The following MYH11 variants were observed in gnomAD, a reference collection of about 807,000 sequenced individuals.
MYH11 encodes myosin-11.
In MYH11, 80 loss-of-function variants were observed where a neutral mutation model predicts 246.6. The observed-to-expected ratio is 0.32, with a 90% CI of 0.27 to 0.39. MYH11 has a LOEUF of 0.39. Ranked by LOEUF, MYH11 falls within the 10% of genes least tolerant of loss-of-function variation. MYH11 has a pLI of 1.00. For missense variants in MYH11, 2,158 were observed against 2,546.8 expected, an observed-to-expected ratio of 0.85 and a Z score of 3.29; for synonymous variants, 1,071 against 1,015.5, an observed-to-expected ratio of 1.05 and a Z score of -1.04.
Position 15,703,227 on chromosome 16 carries a change from C to T in MYH11, c.*764G>A, listed in dbSNP as rs886051728. The T allele has an allele frequency of 1.9e-5, 4 of 211,984 alleles. No homozygotes were observed. Among genetic ancestry groups the T allele is most frequent in the East Asian group, 7.0e-5 (1 of 14,238 alleles). 13.1% of individuals were successfully genotyped at this position (211,984 alleles called of 1,614,324 possible). On this transcript the variant is annotated 3_prime_UTR_variant, in exon 41 of 41. Coordinates refer to ENST00000300036, the MANE Select transcript of MYH11 (RefSeq NM_002474.3). The stretch of plus-strand genomic sequence containing the variant: ...TTCCTGCTCCCCTCCGTGGGAGCAG[C>T]GTCTCCTTTTCAATTCATGTGACTA...
At chr16:15,704,336 A>C (rs2039337892) in intron 40 of MYH11, among the ~76,000 whole-genome samples, 1 of 152,180 alleles carries the variant, frequency 6.6e-6, no homozygotes. Context: ...ATTGAATTTA[A>C]TCAGCTGAAA....
At position 15,703,828 on chromosome 16, in the gene MYH11, G is replaced by T; in HGVS notation, c.*163C>A. On this transcript the variant is annotated 3_prime_UTR_variant, in exon 41 of 41. Transcript: ENST00000300036. Reference sequence around the variant, plus strand: ...GAGGGTGGTGGTTTTTATATTCCTTGTGTGAGGGGTGTCTGTGATATTTGG... The same window carrying T: ...GAGGGTGGTGGTTTTTATATTCCTTTTGTGAGGGGTGTCTGTGATATTTGG... The T allele has an allele frequency of 3.2e-6, 3 of 933,634 alleles. No individual in the cohort carries two copies. Among genetic ancestry groups the T allele is most frequent in the African/African-American group, 1.6e-5 (1 of 61,478 alleles). The allele number at this position is 933,634 out of a possible 1,614,324, so 57.8% of individuals were successfully genotyped here.
intron 22 of MYH11, 30 bp downstream of exon 22, chr16:15,741,433 C>T: frequency 6.2e-7 from 1 of 1,602,180 alleles, no homozygotes; most frequent in African/African-American, 1.3e-5. Context: ...GATTTGCTAC[C>T]CACCACGGGC....
chr16:15,778,961 T>C (rs2042286550), intron 6 of MYH11, 118 bp from the exon 7 acceptor site: 1 of 986,138 alleles, frequency 1.0e-6, no homozygotes, highest in Non-Finnish European at 1.6e-6. Context: ...GGGAGATTCT[T>C]GCGAACACTC....
At position 15,838,399 on chromosome 16, in the gene MYH11, T is replaced by A. The variant is rs374007739; in HGVS notation, c.-17-130A>T. On this transcript the variant is annotated intron_variant, in intron 1 of 40. Coordinates refer to ENST00000300036, the MANE Select transcript of MYH11 (RefSeq NM_002474.3). ...CCACCAAGTACAAAGACCTGCAGTA[T>A]TGTGTATGTGGTCAAAGAACAGAGA... 4 of 742,818 alleles carry A rather than the reference T, an allele frequency of 5.4e-6. No homozygotes were observed. In the African/African-American group the frequency reaches 6.9e-5, roughly 13 times the overall value. The allele number at this position is 742,818 out of a possible 1,614,324, so 46.0% of individuals were successfully genotyped here. A position where few individuals can be genotyped will look rare whatever the true frequency, so the allele number is the denominator to read the frequency against.
intron 1 of MYH11, among the ~76,000 whole-genome samples, chr16:15,856,331 A>AT (rs977726723): frequency 4.3e-5 from 5 of 117,530 alleles, no homozygotes; most frequent in African/African-American, 5.8e-5. Context: ...CCCTAAACTG[A>AT]TTAAAAAAAA....
intron 7 of MYH11, among the ~76,000 whole-genome samples, chr16:15,777,104 T>TACAC (rs111888764): frequency 2.0e-3 from 302 of 147,954 alleles, no homozygotes; most frequent in African/African-American, 4.7e-3. Flanking sequence ...CACGCACACA[T>TACAC]ACACACACAC....
At chr16:15,831,467 G>GTGTGTGTA (rs1031748723) in intron 2 of MYH11, among the ~76,000 whole-genome samples, 2 of 147,736 alleles carry the variant, frequency 1.4e-5, no homozygotes, top group African/African-American at 5.0e-5. Flanking sequence ...TGTTTGGGGT[G>GTGTGTGTA]TGTGTGTGTG....
chr16:15,798,625 A>C (rs932824082), intron 4 of MYH11, 35 bp downstream of exon 4: 2 of 1,420,314 alleles, frequency 1.4e-6, no homozygotes. Flanking sequence ...AAAAAAAAAC[A>C]AAAAAAAAAC....
chr16:15,729,530 G>T (rs1883807550), intron 27 of MYH11, among the ~76,000 whole-genome samples: 1 of 149,694 alleles, frequency 6.7e-6, no homozygotes, highest in African/African-American at 2.5e-5. Flanking sequence ...TCTGTCTGGG[G>T]CCTCACTCTT....
In MYH11 at chr16:15,714,562, T is replaced by G. The variant is rs969540055; in HGVS notation, c.5786+347A>C. 10 of 419,570 alleles carry G rather than the reference T, an allele frequency of 2.4e-5. No individual in the cohort carries two copies. In the Admixed American group the frequency reaches 2.6e-4, roughly 11 times the overall value. 26.0% of individuals were successfully genotyped at this position (419,570 alleles called of 1,614,324 possible). On this transcript the variant is annotated intron_variant, in intron 40 of 40. Coordinates refer to ENST00000300036, the MANE Select transcript of MYH11 (RefSeq NM_002474.3). Reference sequence around the variant, plus strand: ...GGAGGTGAAGTGGCGGGGGGTGGTGTTGCAGCTTCAATGGATGTCGTGAAG... The same window carrying G: ...GGAGGTGAAGTGGCGGGGGGTGGTGGTGCAGCTTCAATGGATGTCGTGAAG...
At chr16:15,712,654 G>T (rs1303506435) in intron 40 of MYH11, among the ~76,000 whole-genome samples, 1 of 152,078 alleles carries the variant, frequency 6.6e-6, no homozygotes, top group Non-Finnish European at 1.5e-5. Context: ...TCGAGGTGAG[G>T]GATCAGCAGA....
At chr16:15,767,990 C>T (rs1439232642) in intron 9 of MYH11, among the ~76,000 whole-genome samples, 2 of 151,562 alleles carry the variant, frequency 1.3e-5, no homozygotes, top group African/African-American at 4.9e-5. Flanking sequence ...GTTGCTCAGG[C>T]TGGTCTTGAA....
At chr16:15,792,439 A>G (rs2042632681) in intron 4 of MYH11, 1 of 152,210 alleles carries the variant, frequency 6.6e-6, no homozygotes, top group African/African-American at 2.4e-5. Flanking sequence ...TACAATATAA[A>G]TAATATTCAC....
Position 15,745,118 on chromosome 16 carries a change from A to G in MYH11, c.2520+11T>C, listed in dbSNP as rs2041381184. ...GGGCCCCTGGGAAGGGGGCTGGGGC[A>G]GAGCACTCACTTTGGTGAAAAGCCT... On this transcript the variant is annotated intron_variant, in intron 20 of 40. Coordinates refer to ENST00000300036, the MANE Select transcript of MYH11 (RefSeq NM_002474.3). The G allele has an allele frequency of 1.2e-6, 2 of 1,610,510 alleles. No homozygotes were observed. Among genetic ancestry groups the G allele is most frequent in the African/African-American group, 2.7e-5 (2 of 74,904 alleles).
At chr16:15,838,381 G>A (rs1218584643) in intron 1 of MYH11, 112 bp from the exon 2 acceptor site, 12 of 824,130 alleles carry the variant, frequency 1.5e-5, no homozygotes, top group Non-Finnish European at 2.2e-5. Flanking sequence ...ATCCCACCAA[G>A]TACAAAGACC....
intron 8 of MYH11, among the ~76,000 whole-genome samples, chr16:15,773,484 T>A (rs1040860167): frequency 6.6e-6 from 1 of 151,822 alleles, no homozygotes; most frequent in Non-Finnish European, 1.5e-5. Context: ...CGGGGTTTCA[T>A]CATGTTGGCT....
chr16:15,820,258 C>T (rs952974625), intron 3 of MYH11, among the ~76,000 whole-genome samples: 1 of 152,134 alleles, frequency 6.6e-6, no homozygotes, highest in Non-Finnish European at 1.5e-5. Context: ...GGGCAGATCA[C>T]AATGTCAGGA....
chr16:15,720,719 C>T (rs2040422313), intron 33 of MYH11, 120 bp downstream of exon 33: 5 of 1,117,132 alleles, frequency 4.5e-6, no homozygotes, highest in East Asian at 2.5e-5. Context: ...GGCGACAGAG[C>T]GAGACTCTGT....
Sources: gnomAD v4.1 joint callset for allele counts (sites outside exome capture counted in the v4.1 genomes callset) on GRCh38, gnomAD v4.1.1 for gene constraint, MANE v1.5 for transcripts, NCBI Gene and HGNC (gene_info 2026-07-23, HGNC 2026-07-21) for gene names.